CUX1: variants seen among roughly 807,000 people sequenced by gnomAD.
CUX1 encodes protein CASP.
A neutral mutation model predicts 158.8 loss-of-function variants in CUX1; 31 were observed. The observed-to-expected ratio is 0.20, with a 90% CI of 0.15 to 0.26. The LOEUF is 0.26. CUX1 is among the 10% of genes least tolerant of loss of function. CUX1 has a pLI of 1.00. For missense variants in CUX1, 1,589 were observed against 2,014.6 expected (o/e 0.79, Z 4.04); for synonymous variants, 879 against 862.1 (o/e 1.02, Z -0.34).
exon 15 of CUX1, chr7:102,273,387 T>A: frequency 6.2e-7 from 1 of 1,612,392 alleles, no homozygotes; most frequent in South Asian, 1.1e-5. Context: ...GAGCTGCAAG[T>A]CCGTATCACT....
chr7:102,037,805 A>G lies in CUX1; in HGVS notation c.189+9660A>G, dbSNP rs189904714. ...TGTGGTGGCTCATGCCTGTAATCTC[A>G]GCACTTTGGGAGGCTGAGGCAGGCG... On this transcript the variant is annotated intron_variant, in intron 3 of 23. Coordinates refer to ENST00000292535, the MANE Select transcript of CUX1 (RefSeq NM_181552.4). 5.1e-3 allele frequency among the ~76,000 whole-genome samples: 774 copies of G among 152,168 alleles called. 4 individuals are homozygous for G. The highest frequency in any genetic ancestry group is 0.018 in the African/African-American group (734 of 41,556).
chr7:102,248,593 T>G lies in CUX1; in HGVS notation c.4069T>G (p.Ser1357Ala). 1 of 1,472,718 alleles carries G rather than the reference T, an allele frequency of 6.8e-7. No homozygotes were observed. 91.2% of individuals were successfully genotyped at this position (1,472,718 alleles called of 1,614,324 possible). Residue 1357 changes from serine (S) to alanine (A), a missense_variant, in exon 24 of 24, where the codon TCT becomes GCT. This residue lies in a region of CUX1 where 344 missense variants were observed against 323.7 expected (regional missense o/e 1.06). Transcript: ENST00000292535. This position sits in a 1 kb window ranked among gnomAD's most constrained non-coding sequence, Gnocchi z 5.8. ...PGSADTEEPK[S>A]QGEAEREEVP... Reference sequence around the variant, plus strand: ...CAGCGCCGACACCGAGGAGCCCAAGTCTCAGGGAGAGGCCGAGCGGGAGGA... The same window carrying G: ...CAGCGCCGACACCGAGGAGCCCAAGGCTCAGGGAGAGGCCGAGCGGGAGGA...
chr7:101,923,041 G>T (rs944351631), intron 2 of CUX1, among the ~76,000 whole-genome samples: 1 of 152,220 alleles, frequency 6.6e-6, no homozygotes. Context: ...GATTTCCCGC[G>T]TGTGTGATTC....
chr7:101,971,937 G>A (rs1812004452), intron 2 of CUX1, among the ~76,000 whole-genome samples: 1 of 152,182 alleles, frequency 6.6e-6, no homozygotes, highest in African/African-American at 2.4e-5. Flanking sequence ...GGATTTGTGA[G>A]TTGGGTGATT....
In CUX1 at chr7:101,938,173, C is replaced by T. The variant is rs368268525; in HGVS notation, c.141+21948C>T. 4.2e-4 allele frequency among the ~76,000 whole-genome samples: 64 copies of T among 151,044 alleles called. 1 individual carries two copies. Among genetic ancestry groups the T allele is most frequent in the Middle Eastern group, 3.4e-3 (1 of 292 alleles). On this transcript the variant is annotated intron_variant, in intron 2 of 23. Coordinates refer to ENST00000292535, the MANE Select transcript of CUX1 (RefSeq NM_181552.4). ...TGTCACTCAGGCTGGAATGCAGTGA[C>T]GTGATCACAGCTCACTGCAGCCTCA...
rs1554538300 is a variant in CUX1, at chr7:102,248,843, C to A, written c.4319C>A (p.Pro1440Gln). The A allele has an allele frequency of 8.0e-7, 1 of 1,246,020 alleles. No homozygotes were observed. Among genetic ancestry groups the A allele is most frequent in the African/African-American group, 1.6e-5 (1 of 61,942 alleles). 77.2% of individuals were successfully genotyped at this position (1,246,020 alleles called of 1,614,324 possible). Reference protein sequence around the residue: ...EGPAAPSSAPPPSNSSSSSAP... With the variant: ...EGPAAPSSAPQPSNSSSSSAP... ...CCCGCGGCCCCGAGCTCCGCGCCGC[C>A]GCCCAGCAACAGCAGCAGCAGCAGC... The change falls in exon 24 of 24, where the codon CCG becomes CAG. Residue 1440 changes from proline to glutamine, a missense_variant. Coordinates refer to ENST00000292535, the MANE Select transcript of CUX1 (RefSeq NM_181552.4). The surrounding 1 kb of genome is among the most constrained non-coding windows in gnomAD (Gnocchi z 5.8).
rs73408058 is a variant in CUX1, at chr7:102,115,095, C to T, written c.608-112C>T. 59,140 of 865,742 alleles carry T rather than the reference C, an allele frequency of 0.068. 2,740 individuals are homozygous for T. The highest frequency in any genetic ancestry group is 0.19 in the African/African-American group (10,789 of 57,034). The allele number at this position is 865,742 out of a possible 1,614,324, so 53.6% of individuals were successfully genotyped here. The stretch of plus-strand genomic sequence containing the variant: ...TGTGTTTTTAATCTTTATTTTTCCA[C>T]GCACCTCGCTCCTCACAGAAATCTT... On this transcript the variant is annotated intron_variant, in intron 7 of 23. Coordinates refer to ENST00000292535, the MANE Select transcript of CUX1 (RefSeq NM_181552.4).
chr7:102,167,016 C>A (rs1791115316), intron 9 of CUX1, among the ~76,000 whole-genome samples: 1 of 151,972 alleles, frequency 6.6e-6, no homozygotes, highest in African/African-American at 2.4e-5. Flanking sequence ...ACCTGTAATC[C>A]CAGCACTTTG....
Position 101,867,373 on chromosome 7 carries a change from G to A in CUX1, c.31-48742G>A. On this transcript the variant is annotated intron_variant, in intron 1 of 23. Transcript: ENST00000292535. ...CCCTGCCCCAGGCATCAAGGGAGGT[G>A]CTCACTCTGTGCACTCTGAATCCCA... Among the ~76,000 whole-genome samples, 2 of 152,196 alleles carry A rather than the reference G, an allele frequency of 1.3e-5. 1 individual carries two copies.
chr7:102,275,670 G>A (rs1554547594), intron 17 of CUX1, among the ~76,000 whole-genome samples: 1 of 152,138 alleles, frequency 6.6e-6, no homozygotes, highest in Non-Finnish European at 1.5e-5. Context: ...CAATCTGCAG[G>A]GAGGGGCACC....
intron 11 of CUX1, among the ~76,000 whole-genome samples, chr7:102,186,166 GGCATTTTCAGCATT>G (rs1359179989): frequency 6.6e-6 from 1 of 152,022 alleles, no homozygotes; most frequent in Non-Finnish European, 1.5e-5. Context: ...TTCCACACTG[GGCATTTTCAGCATT>G]GGAAGTCAAT....
At chr7:101,968,392 C>T (rs1289492186) in intron 2 of CUX1, among the ~76,000 whole-genome samples, 1 of 151,992 alleles carries the variant, frequency 6.6e-6, no homozygotes, top group East Asian at 1.9e-4. Context: ...CTGGGAGTCC[C>T]AAGCCACATG....
At chr7:102,007,998 G>C (rs1817579180) in intron 2 of CUX1, among the ~76,000 whole-genome samples, 1 of 152,118 alleles carries the variant, frequency 6.6e-6, no homozygotes, top group Non-Finnish European at 1.5e-5. Context: ...ACCTGCCTTG[G>C]CCTCCCAAAG....
At position 102,149,704 on chromosome 7, in the gene CUX1, G is replaced by GT. The variant is rs1446103508; in HGVS notation, c.675-8855dup. ...TGAGACTGCAGACCAGCCCTTCTCC[G>GT]TAAGTTCAGGCGTTTGTGCTCCGAT... On this transcript the variant is annotated intron_variant, in intron 8 of 23. Coordinates refer to ENST00000292535, the MANE Select transcript of CUX1 (RefSeq NM_181552.4). Among the ~76,000 whole-genome samples the GT allele has an allele frequency of 6.4e-4, 97 of 152,252 alleles. 1 individual carries two copies. Among genetic ancestry groups the GT allele is most frequent in the Non-Finnish European group, 1.6e-4 (11 of 68,012 alleles).
intron 5 of CUX1, among the ~76,000 whole-genome samples, chr7:102,098,938 C>A (rs1411002926): frequency 6.6e-6 from 1 of 150,710 alleles, no homozygotes; most frequent in Non-Finnish European, 1.5e-5. Context: ...GGATTACAGG[C>A]GTGAGCCACC....
intron 8 of CUX1, among the ~76,000 whole-genome samples, chr7:102,132,785 C>T (rs1554497759): frequency 6.7e-6 from 1 of 148,632 alleles, no homozygotes; most frequent in Admixed American, 6.9e-5. Context: ...GATTCTCCTG[C>T]CTCAGCTTCC....
At chr7:102,185,869 G>A (rs1221243066) in intron 11 of CUX1, among the ~76,000 whole-genome samples, 1 of 152,132 alleles carries the variant, frequency 6.6e-6, no homozygotes, top group African/African-American at 2.4e-5. Context: ...GATCTGCACT[G>A]TAGGACCCCA....
chr7:101,849,412 T>C (rs990691168), intron 1 of CUX1, among the ~76,000 whole-genome samples: 14 of 152,166 alleles, frequency 9.2e-5, no homozygotes, highest in East Asian at 1.9e-4. Flanking sequence ...CTCCCACTTA[T>C]AAGTGAGAAC....
At chr7:101,862,774 T>C (rs540296914) in intron 1 of CUX1, among the ~76,000 whole-genome samples, 1 of 152,046 alleles carries the variant, frequency 6.6e-6, no homozygotes, top group Admixed American at 6.6e-5. Context: ...TGTGTGTGTG[T>C]GTGTGGAAAG....
Sources: gnomAD v4.1 joint callset for allele counts (sites outside exome capture counted in the v4.1 genomes callset) on GRCh38, gnomAD v4.1.1 for gene constraint, gnomAD v4.1.1 regional missense constraint, Gnocchi (gnomAD v3.1) non-coding constraint, MANE v1.5 for transcripts, NCBI Gene and HGNC (gene_info 2026-07-23, HGNC 2026-07-21) for gene names.